The following AGK variants were observed in gnomAD, a reference collection of about 807,000 sequenced individuals.
AGK encodes acylglycerol kinase, mitochondrial.
In AGK, 52 loss-of-function variants were observed where a neutral mutation model predicts 66.4. The observed-to-expected ratio is 0.78, with a 90% CI of 0.63 to 0.99. The LOEUF (loss-of-function observed/expected upper bound fraction) is 0.99, where lower values mean the gene tolerates loss of function less well. Ranked by LOEUF, AGK falls within the 50% of genes least tolerant of loss-of-function variation. The probability of loss-of-function intolerance (pLI) is 0.00; values close to 1 mark genes in which losing one functional copy is unlikely to be tolerated. For missense variants in AGK, 451 were observed against 506.6 expected (o/e 0.89, Z 1.05); for synonymous variants, 182 against 181.1 (o/e 1.00, Z -0.04).
intron 6 of AGK, 84 bp from the exon 7 acceptor site, chr7:141,614,062 T>C (rs1414804988): frequency 2.0e-6 from 2 of 1,006,068 alleles, no homozygotes; most frequent in African/African-American, 3.4e-5. Context: ...AGTAAGTTTA[T>C]GGTCTATGAA....
At chr7:141,623,379 C>G (rs1038864507) in intron 9 of AGK, among the ~76,000 whole-genome samples, 1 of 54,220 alleles carries the variant, frequency 1.8e-5, no homozygotes, top group Non-Finnish European at 4.4e-5. Context: ...AACTTTTTCT[C>G]AAAAAAAAAA....
Position 141,653,001 on chromosome 7 carries a change from C to G in AGK, c.*77C>G, listed in dbSNP as rs902700445. The G allele has an allele frequency of 3.2e-6, 5 of 1,573,506 alleles. No individual in the cohort carries two copies. The highest frequency in any genetic ancestry group is 4.3e-6 in the Non-Finnish European group (5 of 1,154,690). On this transcript the variant is annotated 3_prime_UTR_variant, in exon 16 of 16. Coordinates refer to ENST00000649286, the MANE Select transcript of AGK (RefSeq NM_018238.4). ...AAAAGGGAACAGGTGCCTCAGCCATCCCAACAGTGTCGTCAGAGGGTCCCC... is the reference window on the plus strand; with the variant it reads ...AAAAGGGAACAGGTGCCTCAGCCATGCCAACAGTGTCGTCAGAGGGTCCCC...
At chr7:141,619,146 C>T (rs981325849) in intron 8 of AGK, among the ~76,000 whole-genome samples, 1 of 152,072 alleles carries the variant, frequency 6.6e-6, no homozygotes, top group African/African-American at 2.4e-5. Flanking sequence ...AAATTCAATA[C>T]AATCCCAATC....
At chr7:141,561,609 G>T (rs1197206352) in intron 2 of AGK, among the ~76,000 whole-genome samples, 1 of 151,634 alleles carries the variant, frequency 6.6e-6, no homozygotes, top group Non-Finnish European at 1.5e-5. Context: ...CTTTTTGATG[G>T]AATTATTTTT....
chr7:141,647,120 T>C (rs1587171042), intron 13 of AGK, among the ~76,000 whole-genome samples: 1 of 138,266 alleles, frequency 7.2e-6, no homozygotes, highest in Non-Finnish European at 1.6e-5. Context: ...GAGCAGATCA[T>C]TGCTCCTGGG....
chr7:141,553,424 A>T (rs1795141505), intron 1 of AGK, among the ~76,000 whole-genome samples: 2 of 151,738 alleles, frequency 1.3e-5, no homozygotes, highest in South Asian at 4.2e-4. Flanking sequence ...ACTGTGCACC[A>T]CCCCCTCAGC....
At chr7:141,616,623 G>A (rs2116965594) in intron 8 of AGK, among the ~76,000 whole-genome samples, 1 of 152,120 alleles carries the variant, frequency 6.6e-6, no homozygotes, top group Admixed American at 6.5e-5. Context: ...ATATATATAT[G>A]TCAGATCTTC....
chr7:141,629,963 T>A (rs1797021874), intron 9 of AGK, among the ~76,000 whole-genome samples: 1 of 152,222 alleles, frequency 6.6e-6, no homozygotes, highest in Non-Finnish European at 1.5e-5. Context: ...GAAAGCTGTA[T>A]ATTGTGCTTC....
At position 141,598,804 on chromosome 7, in the gene AGK, G is replaced by A. The variant is rs2116931125; in HGVS notation, c.221+2163G>A. Among the ~76,000 whole-genome samples, 1 of 152,148 alleles carries A rather than the reference G, an allele frequency of 6.6e-6. No homozygotes were observed. The highest frequency in any genetic ancestry group is 2.1e-4 in the South Asian group (1 of 4,828). ...TAGAGACCTAATAAATTAACAACCT[G>A]CTAATTTCTGATGAAACTTATGGCA... On this transcript the variant is annotated intron_variant, in intron 4 of 15. Coordinates refer to ENST00000649286, the MANE Select transcript of AGK (RefSeq NM_018238.4). The surrounding 1 kb of genome is among the most constrained non-coding windows in gnomAD (Gnocchi z 4.2).
intron 10 of AGK, 79 bp downstream of exon 10, chr7:141,634,059 A>G: frequency 1.6e-6 from 2 of 1,229,652 alleles, no homozygotes; most frequent in Non-Finnish European, 2.4e-6. Context: ...TTTAATTCAC[A>G]GTGATCTTCT....
intron 1 of AGK, among the ~76,000 whole-genome samples, chr7:141,554,706 T>A (rs1795170734): frequency 6.6e-6 from 1 of 152,212 alleles, no homozygotes; most frequent in Admixed American, 6.5e-5. Flanking sequence ...AAATAATAAA[T>A]GTCATGAAGA....
rs1172919189 is a variant in AGK, at chr7:141,555,874, G to A, written c.101+307G>A. Among the ~76,000 whole-genome samples the A allele has an allele frequency of 6.6e-6, 1 of 152,192 alleles. No homozygotes were observed. Among genetic ancestry groups the A allele is most frequent in the Non-Finnish European group, 1.5e-5 (1 of 68,032 alleles). ...AGAGAAGTCCTTTCCCAAGTTAGTA[G>A]TGTGAACCCCCAAAATCTGAGACAG... On this transcript the variant is annotated intron_variant, in intron 2 of 15. Coordinates refer to ENST00000649286, the MANE Select transcript of AGK (RefSeq NM_018238.4). The surrounding 1 kb of genome is among the most constrained non-coding windows in gnomAD (Gnocchi z 4.2).
At chr7:141,571,672 A>G (rs1489828912) in intron 2 of AGK, among the ~76,000 whole-genome samples, 1 of 152,226 alleles carries the variant, frequency 6.6e-6, no homozygotes, top group Non-Finnish European at 1.5e-5. Context: ...TCACTAGAGC[A>G]AAATGGTTAA....
At chr7:141,587,635 G>C (rs1016152068) in intron 2 of AGK, among the ~76,000 whole-genome samples, 6 of 151,988 alleles carry the variant, frequency 3.9e-5, no homozygotes, top group African/African-American at 1.5e-4. Flanking sequence ...ATTTTTGCCT[G>C]GCTACTTTTT....
chr7:141,623,468 A>C, intron 9 of AGK, among the ~76,000 whole-genome samples: 1 of 152,090 alleles, frequency 6.6e-6, no homozygotes, highest in East Asian at 1.9e-4. Flanking sequence ...TTTGTGGTCT[A>C]GATAGAAGAC....
At chr7:141,642,821 C>A (rs752442348) in intron 13 of AGK, among the ~76,000 whole-genome samples, 6 of 152,160 alleles carry the variant, frequency 3.9e-5, no homozygotes, top group Non-Finnish European at 7.4e-5. Flanking sequence ...TGCCTTTGTG[C>A]TACAGGGGAG....
At chr7:141,558,617 G>GT (rs1262455285) in intron 2 of AGK, among the ~76,000 whole-genome samples, 1 of 152,124 alleles carries the variant, frequency 6.6e-6, no homozygotes, top group Admixed American at 6.5e-5. Context: ...TGGAGATCCT[G>GT]TTTTTAATTA....
chr7:141,589,475 A>T (rs1442784623), intron 2 of AGK, among the ~76,000 whole-genome samples: 1 of 152,028 alleles, frequency 6.6e-6, no homozygotes, highest in East Asian at 1.9e-4. Context: ...TTCTTTGAGG[A>T]TGTGTTTGAT....
chr7:141,593,408 G>T (rs1796164208), intron 3 of AGK: 1 of 703,036 alleles, frequency 1.4e-6, no homozygotes, highest in African/African-American at 1.7e-5. Flanking sequence ...TAGACTGTTT[G>T]TTTCTGGATT....
Sources: allele counts gnomAD v4.1 joint callset (sites outside exome capture counted in the v4.1 genomes callset), GRCh38; gene constraint gnomAD v4.1.1; non-coding constraint Gnocchi (gnomAD v3.1); transcripts MANE v1.5; gene names NCBI Gene and HGNC (gene_info 2026-07-23, HGNC 2026-07-21).